Variants in ZNF462 observed in about 807,000 individuals in gnomAD.
ZNF462 encodes the protein zinc finger PBX1-interacting protein.
Under a neutral mutation model 201.9 loss-of-function variants are expected in ZNF462, and 10 were observed. The ratio of observed to expected loss-of-function variants is 0.05; its 90% CI spans 0.03 to 0.08. The LOEUF is 0.08. Among genes scored for constraint, ZNF462 ranks in the 10% least tolerant of loss-of-function variants. The pLI, the probability that ZNF462 is intolerant of heterozygous loss-of-function variation, is 1.00. For missense variants in ZNF462, 2,523 were observed against 3,168.3 expected (o/e 0.80, Z 4.89); for synonymous variants, 1,227 against 1,193.3 (o/e 1.03, Z -0.58).
At chr9:106,947,300 T>G (rs1466645318) in intron 7 of ZNF462, among the ~76,000 whole-genome samples, 6 of 152,192 alleles carry the variant, frequency 3.9e-5, no homozygotes, top group African/African-American at 1.4e-4. Flanking sequence ...GTTCTTCAGC[T>G]TCCATGGGGA....
At chr9:106,899,504 G>C (rs2131161087) in intron 1 of ZNF462, among the ~76,000 whole-genome samples, 1 of 152,258 alleles carries the variant, frequency 6.6e-6, no homozygotes, top group Middle Eastern at 3.4e-3. Context: ...GTGCAGATGA[G>C]GAAGGGAAAC....
chr9:106,923,294 C>A lies in ZNF462; in HGVS notation c.-30-60C>A. 1 of 1,278,102 alleles carries A rather than the reference C, an allele frequency of 7.8e-7. No homozygotes were observed. Among genetic ancestry groups the A allele is most frequent in the Non-Finnish European group, 1.1e-6 (1 of 883,228 alleles). 79.2% of individuals were successfully genotyped at this position (1,278,102 alleles called of 1,614,324 possible). A position where few individuals can be genotyped will look rare whatever the true frequency, so the allele number is the denominator to read the frequency against. ...CCCATTAATGGATATATAGCCCCAT[C>A]AGCTCGAGGTATGTGATTAGTGCAT... On this transcript the variant is annotated intron_variant, in intron 1 of 12. Transcript: ENST00000277225. The surrounding 1 kb of genome is among the most constrained non-coding windows in gnomAD (Gnocchi z 5.6).
chr9:107,001,001 A>C (rs1829145992), intron 10 of ZNF462, among the ~76,000 whole-genome samples: 1 of 152,080 alleles, frequency 6.6e-6, no homozygotes, highest in Non-Finnish European at 1.5e-5. Flanking sequence ...ATGTTTGAGG[A>C]TTCTTCTTTG....
At chr9:106,964,685 G>A (rs1831992626) in intron 7 of ZNF462, among the ~76,000 whole-genome samples, 1 of 151,870 alleles carries the variant, frequency 6.6e-6, no homozygotes, top group Non-Finnish European at 1.5e-5. Flanking sequence ...TTTTTTTTTA[G>A]CAACTTGACT....
Position 107,012,432 on chromosome 9 carries a change from T to C in ZNF462, c.*1402T>C, listed in dbSNP as rs532204183. 3 of 142,414 alleles carry C rather than the reference T, an allele frequency of 2.1e-5. No homozygotes were observed. In the South Asian group the frequency reaches 6.6e-4, roughly 31 times the overall value. 8.8% of individuals were successfully genotyped at this position (142,414 alleles called of 1,614,324 possible). On this transcript the variant is annotated 3_prime_UTR_variant, in exon 13 of 13. Transcript: ENST00000277225. The stretch of plus-strand genomic sequence containing the variant: ...ACAAGGAGCCTGGAGAACTACTTTC[T>C]TTCTTTCTTTTTTTTTTTTTTTTTT...
intron 1 of ZNF462, among the ~76,000 whole-genome samples, chr9:106,906,005 A>G (rs1035214143): frequency 5.9e-5 from 9 of 152,076 alleles, no homozygotes; most frequent in East Asian, 1.9e-4. Flanking sequence ...CACCCTCCCA[A>G]TGGATCCCTG....
chr9:106,876,269 A>T lies in ZNF462; in HGVS notation c.-31+12914A>T, dbSNP rs1216141357. On this transcript the variant is annotated intron_variant, in intron 1 of 12. Transcript: ENST00000277225. This position sits in a 1 kb window ranked among gnomAD's most constrained non-coding sequence, Gnocchi z 4.9. ...GTAGAACTAACATAAGGATTAAAAA[A>T]TAATATGTGTCTAAGAGTCCTGGCT... 6.6e-6 allele frequency among the ~76,000 whole-genome samples: 1 copy of T among 152,236 alleles called. No individual in the cohort carries two copies. Among genetic ancestry groups the T allele is most frequent in the Non-Finnish European group, 1.5e-5 (1 of 68,030 alleles).
intron 1 of ZNF462, among the ~76,000 whole-genome samples, chr9:106,864,107 T>G (rs4385524): frequency 1.0e-5 from 1 of 100,298 alleles, no homozygotes; most frequent in African/African-American, 4.0e-5. Flanking sequence ...TCTCTCTCTC[T>G]CTCCCTCTCC....
chr9:106,862,935 G>A (rs1459519488), upstream of ZNF462, among the ~76,000 whole-genome samples: 1 of 152,022 alleles, frequency 6.6e-6, no homozygotes, highest in African/African-American at 2.4e-5. The surrounding 1 kb of genome is among the most constrained non-coding windows in gnomAD (Gnocchi z 4.2). Flanking sequence ...TGTGTGGCAG[G>A]AGAAGATTGT....
intron 1 of ZNF462, among the ~76,000 whole-genome samples, chr9:106,875,176 C>T (rs985726083): frequency 1.3e-5 from 2 of 152,102 alleles, no homozygotes; most frequent in Non-Finnish European, 2.9e-5. Flanking sequence ...CCCTCTTGCC[C>T]CCTTTCCATG....
intron 1 of ZNF462, among the ~76,000 whole-genome samples, chr9:106,921,882 A>G (rs1032630604): frequency 1.3e-5 from 2 of 152,208 alleles, no homozygotes; most frequent in South Asian, 2.1e-4. Flanking sequence ...CTTAGCTGAA[A>G]AGAGTCTGGT....
Position 106,928,745 on chromosome 9 carries a change from G to T in ZNF462, c.4833G>T (p.Ser1611=). The T allele has an allele frequency of 2.5e-6, 4 of 1,613,988 alleles. No individual in the cohort carries two copies. The highest frequency in any genetic ancestry group is 1.1e-5 in the South Asian group (1 of 91,066). The change falls in exon 3 of 13, where the codon TCG becomes TCT. Residue 1611 remains serine, a synonymous_variant. Transcript: ENST00000277225. This position sits in a 1 kb window ranked among gnomAD's most constrained non-coding sequence, Gnocchi z 9.3. ...CTGAATTTGATGTCTTTTCCCAGTC[G>T]CCCCCGAAGCTGCCAGTCCCCCTCG... ...NQPEFDVFSQ[S]PPKLPVPLEP... is the part of the protein sequence containing the mutation.
intron 1 of ZNF462, among the ~76,000 whole-genome samples, chr9:106,910,879 A>G (rs1829521329): frequency 6.6e-6 from 1 of 152,168 alleles, no homozygotes; most frequent in Non-Finnish European, 1.5e-5. Flanking sequence ...TTAGCCCTGC[A>G]ATATAGCTTT....
intron 1 of ZNF462, among the ~76,000 whole-genome samples, chr9:106,912,119 C>T (rs909277950): frequency 6.6e-6 from 1 of 152,162 alleles, no homozygotes; most frequent in Non-Finnish European, 1.5e-5. Flanking sequence ...TGTCCAGATC[C>T]TCCTAAGGCT....
At position 106,928,489 on chromosome 9, in the gene ZNF462, G is replaced by A. The variant is rs867205142; in HGVS notation, c.4577G>A (p.Arg1526His). The A allele has an allele frequency of 6.2e-7, 1 of 1,613,986 alleles. No homozygotes were observed. The highest frequency in any genetic ancestry group is 8.5e-7 in the Non-Finnish European group (1 of 1,180,026). The change falls in exon 3 of 13, where the codon CGC (arginine) becomes CAC (histidine). Residue 1526 changes from arginine to histidine, a missense_variant. Transcript: ENST00000277225. This position sits in a 1 kb window ranked among gnomAD's most constrained non-coding sequence, Gnocchi z 9.3. ...AGGCATTGCCCATACATCAACACCC[G>A]CATCCACGGCGTACTGACCCACTAC... ...KCRHCPYINT[R>H]IHGVLTHYQK...
rs1219838807 is a variant in ZNF462, at chr9:106,974,338, G to A, written c.6832+65G>A. On this transcript the variant is annotated intron_variant, in intron 9 of 12. Coordinates refer to ENST00000277225, the MANE Select transcript of ZNF462 (RefSeq NM_021224.6). This position sits in a 1 kb window ranked among gnomAD's most constrained non-coding sequence, Gnocchi z 4.0. ...GCAGGCAGCAGAGATGGCCTTCTAG[G>A]GATGCTCTCTCAGAGTGGCAGTAGC... 6.2e-7 allele frequency: 1 copy of A among 1,610,464 alleles called. No homozygotes were observed. The highest frequency in any genetic ancestry group is 1.7e-5 in the Admixed American group (1 of 60,008).
At chr9:106,909,957 C>G (rs1270082706) in intron 1 of ZNF462, among the ~76,000 whole-genome samples, 2 of 152,084 alleles carry the variant, frequency 1.3e-5, no homozygotes, top group Non-Finnish European at 2.9e-5. Context: ...TTCTACGAAA[C>G]CTTTTATCTG....
intron 11 of ZNF462, among the ~76,000 whole-genome samples, chr9:107,004,222 G>A (rs1308771290): frequency 6.6e-6 from 1 of 152,198 alleles, no homozygotes; most frequent in African/African-American, 2.4e-5. Flanking sequence ...AGATTTATCA[G>A]AAGCACGTGG....
chr9:106,990,749 A>G (rs560277462), intron 10 of ZNF462, among the ~76,000 whole-genome samples: 5 of 152,020 alleles, frequency 3.3e-5, no homozygotes, highest in South Asian at 2.1e-4. Flanking sequence ...TATGAGACTC[A>G]TGCTTATTAC....
Sources: allele counts gnomAD v4.1 joint callset (sites outside exome capture counted in the v4.1 genomes callset), GRCh38; gene constraint gnomAD v4.1.1; non-coding constraint Gnocchi (gnomAD v3.1); transcripts MANE v1.5; gene names NCBI Gene and HGNC (gene_info 2026-07-23, HGNC 2026-07-21).